Variants in MICU1 observed in about 807,000 individuals in gnomAD.
MICU1 encodes the protein calcium uptake protein 1, mitochondrial.
MICU1 carries 45 observed loss-of-function variants against 56.8 expected under a neutral mutation model. The ratio of observed to expected loss-of-function variants is 0.79; its 90% confidence interval spans 0.62 to 1.02. The LOEUF (loss-of-function observed/expected upper bound fraction) is 1.02, where lower values mean the gene tolerates loss of function less well. Among genes scored for constraint, MICU1 ranks in the 50% least tolerant of loss-of-function variants. The pLI is 0.00. For missense variants in MICU1, 504 were observed against 587.1 expected, an observed-to-expected ratio of 0.86 and a Z score of 1.46; for synonymous variants, 186 against 195.1, an observed-to-expected ratio of 0.95 and a Z score of 0.39.
intron 5 of MICU1, among the ~76,000 whole-genome samples, chr10:72,517,584 C>T (rs1374840441): frequency 2.0e-5 from 3 of 151,798 alleles, no homozygotes; most frequent in Admixed American, 6.6e-5. Context: ...AAGATGCAAA[C>T]GCATAAGAAT....
At chr10:72,511,468 G>A (rs60986366) in intron 5 of MICU1, among the ~76,000 whole-genome samples, 4,158 of 152,256 alleles carry the variant, frequency 0.027, 186 homozygotes, top group African/African-American at 0.096. Flanking sequence ...ACTTTGAGCA[G>A]AAGAACCACT....
At chr10:72,575,422 G>A (rs1026773180) in intron 1 of MICU1, among the ~76,000 whole-genome samples, 6 of 152,238 alleles carry the variant, frequency 3.9e-5, no homozygotes, top group Middle Eastern at 3.4e-3. Flanking sequence ...AAAAGAGTAA[G>A]TCTTCTTCAA....
chr10:72,490,237 A>C (rs1336554619), intron 6 of MICU1, among the ~76,000 whole-genome samples: 2 of 152,220 alleles, frequency 1.3e-5, no homozygotes, highest in Non-Finnish European at 2.9e-5. Context: ...GTATGTATGT[A>C]TATGTATGTA....
At chr10:72,393,279 T>G (rs1449851641) in intron 10 of MICU1, among the ~76,000 whole-genome samples, 1 of 152,156 alleles carries the variant, frequency 6.6e-6, no homozygotes. Context: ...CACATAAACC[T>G]GAGAAAATAT....
chr10:72,374,283 C>T (rs1029976178), intron 11 of MICU1, among the ~76,000 whole-genome samples: 4 of 152,094 alleles, frequency 2.6e-5, no homozygotes, highest in Non-Finnish European at 5.9e-5. Context: ...TGCTACCATG[C>T]CTGGCTAATT....
chr10:72,453,665 G>T (rs1865365184), intron 8 of MICU1, among the ~76,000 whole-genome samples: 1 of 151,856 alleles, frequency 6.6e-6, no homozygotes, highest in Non-Finnish European at 1.5e-5. Context: ...AAGTAGCTGG[G>T]ATTACAGGCT....
At chr10:72,521,915 C>T (rs1028438340) in intron 5 of MICU1, among the ~76,000 whole-genome samples, 2 of 151,954 alleles carry the variant, frequency 1.3e-5, no homozygotes, top group Non-Finnish European at 2.9e-5. Flanking sequence ...ATATTTCAAT[C>T]ATTTTGAAAT....
At chr10:72,465,167 A>T (rs1333390349) in intron 8 of MICU1, among the ~76,000 whole-genome samples, 3 of 151,878 alleles carry the variant, frequency 2.0e-5, no homozygotes, top group Non-Finnish European at 4.4e-5. Context: ...CGCCTGGCTA[A>T]TTTTTTTGTA....
At chr10:72,448,119 A>ATGTGTGTGTG (rs770189954) in intron 8 of MICU1, among the ~76,000 whole-genome samples, 1 of 47,648 alleles carries the variant, frequency 2.1e-5, no homozygotes, top group African/African-American at 4.6e-5. Flanking sequence ...AAGTTTATAT[A>ATGTGTGTGTG]TATGTGTGTG....
intron 8 of MICU1, chr10:72,473,382 G>C (rs923771580): frequency 5.9e-5 from 9 of 152,136 alleles, no homozygotes; most frequent in African/African-American, 2.2e-4. Context: ...GTCTCACTGA[G>C]AGCTTTTGCA....
At chr10:72,522,573 G>A (rs1350325894) in intron 5 of MICU1, among the ~76,000 whole-genome samples, 1 of 152,018 alleles carries the variant, frequency 6.6e-6, no homozygotes, top group African/African-American at 2.4e-5. Flanking sequence ...ACAAACTTTA[G>A]TAGTGGTGGA....
intron 8 of MICU1, among the ~76,000 whole-genome samples, chr10:72,437,005 T>A (rs1014460246): frequency 2.4e-4 from 36 of 152,072 alleles, no homozygotes; most frequent in African/African-American, 8.7e-4. Context: ...TTCCCCAACC[T>A]AGCAAGGCAG....
At chr10:72,495,459 T>C (rs1338790881) in intron 6 of MICU1, among the ~76,000 whole-genome samples, 1 of 152,082 alleles carries the variant, frequency 6.6e-6, no homozygotes, top group African/African-American at 2.4e-5. Flanking sequence ...AGTTCAAGAC[T>C]AGCACGGCCA....
chr10:72,549,927 T>C (rs371538012), intron 4 of MICU1, among the ~76,000 whole-genome samples: 7 of 22,722 alleles, frequency 3.1e-4, no homozygotes, highest in African/African-American at 2.4e-3. Context: ...TGAAACTCCA[T>C]CTCAAAAAAA....
intron 9 of MICU1, among the ~76,000 whole-genome samples, chr10:72,409,208 G>A (rs1863727957): frequency 6.6e-6 from 1 of 152,182 alleles, no homozygotes; most frequent in African/African-American, 2.4e-5. Flanking sequence ...GGTCCTTAAA[G>A]AGCTGCAGAT....
At chr10:72,544,512 GA>G (rs1839852227) in intron 4 of MICU1, among the ~76,000 whole-genome samples, 2 of 152,156 alleles carry the variant, frequency 1.3e-5, no homozygotes, top group South Asian at 4.1e-4. Context: ...ATGGTGGAAA[GA>G]AAATAGAGAT....
chr10:72,465,283 C>T (rs1199284999), intron 8 of MICU1, among the ~76,000 whole-genome samples: 4 of 150,796 alleles, frequency 2.7e-5, no homozygotes, highest in Admixed American at 6.6e-5. Flanking sequence ...TAGGCATGAG[C>T]CACCATGCCC....
intron 5 of MICU1, among the ~76,000 whole-genome samples, chr10:72,515,362 A>C (rs1589297553): frequency 6.6e-6 from 1 of 152,092 alleles, no homozygotes; most frequent in Non-Finnish European, 1.5e-5. Context: ...GTGGTTTTGG[A>C]GTTCCCCGCT....
At chr10:72,607,272 C>A (rs1000503915) in intron 1 of MICU1, among the ~76,000 whole-genome samples, 2 of 149,944 alleles carry the variant, frequency 1.3e-5, no homozygotes, top group Admixed American at 1.3e-4. Context: ...ACCCGGTAGG[C>A]GGAGGTTGGA....
Sources: gnomAD v4.1 joint callset for allele counts (sites outside exome capture counted in the v4.1 genomes callset) on GRCh38, gnomAD v4.1.1 for gene constraint, MANE v1.5 for transcripts, NCBI Gene and HGNC (gene_info 2026-07-23, HGNC 2026-07-21) for gene names.